SOX6: variants seen among roughly 807,000 people sequenced by gnomAD.
SOX6 encodes the protein SRY-box transcription factor 6.
A neutral mutation model predicts 97.8 loss-of-function variants in SOX6; 11 were observed. The observed-to-expected ratio is 0.11, with a 90% CI of 0.07 to 0.19. The LOEUF (loss-of-function observed/expected upper bound fraction) is 0.19, where lower values mean the gene tolerates loss of function less well. SOX6 is among the 10% of genes least tolerant of loss of function. SOX6 has a pLI of 1.00. For missense variants in SOX6, 810 were observed against 1,039.5 expected (o/e 0.78, Z 3.04); for synonymous variants, 360 against 371.4 (o/e 0.97, Z 0.35).
At chr11:16,339,562 T>C (rs1012561594) in intron 2 of SOX6, among the ~76,000 whole-genome samples, 2 of 152,138 alleles carry the variant, frequency 1.3e-5, no homozygotes, top group African/African-American at 2.4e-5. Flanking sequence ...TGTTCTCACA[T>C]AGCATTCTGT....
chr11:16,245,837 G>T (rs1296284385), intron 3 of SOX6, among the ~76,000 whole-genome samples: 1 of 151,050 alleles, frequency 6.6e-6, no homozygotes, highest in Non-Finnish European at 1.5e-5. Context: ...TATGTCTCTT[G>T]TAGTTAGCAT....
intron 6 of SOX6, among the ~76,000 whole-genome samples, chr11:16,174,848 C>T (rs1052018461): frequency 5.3e-5 from 8 of 152,002 alleles, no homozygotes; most frequent in Non-Finnish European, 1.0e-4. Context: ...ATCCTTCTAA[C>T]TTCACAAGCA....
chr11:16,535,847 G>A (rs1373294134), intron 4 of SOX6, among the ~76,000 whole-genome samples: 1 of 152,180 alleles, frequency 6.6e-6, no homozygotes, highest in African/African-American at 2.4e-5. Context: ...AAGCTTAATA[G>A]ACAAGTCTAC....
intron 2 of SOX6, among the ~76,000 whole-genome samples, chr11:16,735,016 A>G (rs1848381316): frequency 6.6e-6 from 1 of 152,194 alleles, no homozygotes; most frequent in Admixed American, 6.5e-5. Flanking sequence ...GCTTAATTCT[A>G]TCAACTTAAT....
chr11:16,640,820 G>A (rs1026072870), intron 3 of SOX6, among the ~76,000 whole-genome samples: 1 of 151,824 alleles, frequency 6.6e-6, no homozygotes, highest in Non-Finnish European at 1.5e-5. Context: ...TATTAGTCTG[G>A]CTAGTGGTAT....
At chr11:16,018,074 T>C (rs931609012) in intron 12 of SOX6, among the ~76,000 whole-genome samples, 1 of 152,066 alleles carries the variant, frequency 6.6e-6, no homozygotes, top group Non-Finnish European at 1.5e-5. Flanking sequence ...GCTCTCTAAG[T>C]GCTTTGAAAT....
intron 3 of SOX6, among the ~76,000 whole-genome samples, chr11:16,668,122 C>T (rs1564864231): frequency 1.3e-5 from 2 of 152,102 alleles, no homozygotes; most frequent in Non-Finnish European, 2.9e-5. Context: ...GTCTGTAATC[C>T]CAGAACTTTG....
intron 3 of SOX6, among the ~76,000 whole-genome samples, chr11:16,660,226 CT>C (rs1329501232): frequency 2.6e-5 from 4 of 151,944 alleles, no homozygotes; most frequent in Non-Finnish European, 2.9e-5. Context: ...TTAGAGCTTT[CT>C]TTTTTAATAT....
rs1203809969 is a variant in SOX6 at position 15,972,708 on chromosome 11, T to C, written c.*101A>G. The stretch of plus-strand genomic sequence containing the variant: ...GAAACAATTAAGACCATTCTGCTGA[T>C]GTAATTGTGGAGCCACAAATGCATG... On this transcript the variant is annotated 3_prime_UTR_variant, in exon 16 of 16. Transcript: ENST00000683767. The C allele has an allele frequency of 8.1e-7, 1 of 1,239,060 alleles. No homozygotes were observed. Among genetic ancestry groups the C allele is most frequent in the African/African-American group, 1.5e-5 (1 of 67,048 alleles). 76.8% of individuals were successfully genotyped at this position (1,239,060 alleles called of 1,614,324 possible). A position where few individuals can be genotyped will look rare whatever the true frequency, so the allele number is the denominator to read the frequency against.
intron 12 of SOX6, among the ~76,000 whole-genome samples, chr11:16,031,922 A>G (rs1040215426): frequency 6.6e-6 from 1 of 152,114 alleles, no homozygotes; most frequent in Non-Finnish European, 1.5e-5. Context: ...ACAGATGAGG[A>G]AGTGGCAGTG....
At chr11:16,535,686 AAAAC>A (rs999754192) in intron 4 of SOX6, among the ~76,000 whole-genome samples, 1 of 152,192 alleles carries the variant, frequency 6.6e-6, no homozygotes. Context: ...AAAAAAAACA[AAAAC>A]AAACCAAAAA....
At chr11:16,561,895 AT>A (rs34946551) in intron 4 of SOX6, among the ~76,000 whole-genome samples, 14 of 149,312 alleles carry the variant, frequency 9.4e-5, no homozygotes, top group East Asian at 2.0e-4. Flanking sequence ...CACCTGGCTA[AT>A]TTTTTTTTTT....
chr11:16,522,285 G>C (rs1163723204), intron 4 of SOX6, among the ~76,000 whole-genome samples: 1 of 152,060 alleles, frequency 6.6e-6, no homozygotes, highest in Admixed American at 6.6e-5. Flanking sequence ...GGATCTCTTG[G>C]CAGGAACTCT....
At chr11:16,159,238 C>G (rs193205324) in intron 6 of SOX6, among the ~76,000 whole-genome samples, 2 of 152,142 alleles carry the variant, frequency 1.3e-5, no homozygotes, top group African/African-American at 2.4e-5. Context: ...TCCTCTTTTC[C>G]TATCCCCTCC....
Position 16,678,289 on chromosome 11 carries a change from T to C in SOX6, n.429+36541A>G, listed in dbSNP as rs770555011. On this transcript the variant is annotated intron_variant and non_coding_transcript_variant, in intron 3 of 5. Transcript: ENST00000524520. ...TCTCTAATGCAGGTTTTCAGTCATA[T>C]AAACTTCCCTATAGGGACTAATTGA... 9.4e-4 allele frequency among the ~76,000 whole-genome samples: 143 copies of C among 152,328 alleles called. No homozygotes were observed. The Middle Eastern group carries it at 0.041, about 43-fold the overall frequency.
intron 4 of SOX6, among the ~76,000 whole-genome samples, chr11:16,590,400 T>G (rs1255631362): frequency 6.6e-6 from 1 of 152,066 alleles, no homozygotes. Context: ...ACTGGTGAAG[T>G]GGTTGTCCTA....
At chr11:16,404,906 C>T (rs1858653364) in intron 1 of SOX6, among the ~76,000 whole-genome samples, 1 of 151,966 alleles carries the variant, frequency 6.6e-6, no homozygotes, top group Non-Finnish European at 1.5e-5. Context: ...TAATCTTTTC[C>T]TTGATCAACC....
intron 2 of SOX6, 114 bp from the exon 3 acceptor site, chr11:16,318,767 A>G (rs1855826269): frequency 5.7e-6 from 4 of 706,140 alleles, no homozygotes; most frequent in Non-Finnish European, 9.2e-6. Context: ...CAAATAAAAT[A>G]TATTAATTAA....
chr11:16,133,845 T>G (rs1266312274), intron 6 of SOX6, among the ~76,000 whole-genome samples: 1 of 152,104 alleles, frequency 6.6e-6, no homozygotes, highest in Non-Finnish European at 1.5e-5. Flanking sequence ...CCCTCCACCA[T>G]GCCCAGCTAA....
Sources: allele counts gnomAD v4.1 joint callset (sites outside exome capture counted in the v4.1 genomes callset), GRCh38; gene constraint gnomAD v4.1.1; transcripts MANE v1.5; gene names NCBI Gene and HGNC (gene_info 2026-07-23, HGNC 2026-07-21).